Variants in IL12RB2 observed in about 807,000 individuals in gnomAD.
IL12RB2 encodes interleukin 12 receptor subunit beta 2, also known as interleukin-12 receptor subunit beta-2.
A neutral mutation model predicts 89.4 loss-of-function variants in IL12RB2; 82 were observed. That is an observed-to-expected ratio of 0.92 (90% CI 0.77 to 1.10). IL12RB2 has a LOEUF of 1.10. IL12RB2 is among the 50% of genes least tolerant of loss of function. The pLI, the probability that IL12RB2 is intolerant of heterozygous loss-of-function variation, is 0.00. For synonymous variants in IL12RB2, 368 were observed against 370.1 expected, an observed-to-expected ratio of 0.99 and a Z score of 0.07; for missense variants, 963 against 1,031.9, an observed-to-expected ratio of 0.93 and a Z score of 0.92.
At chr1:67,355,422 G>GAAAAA (rs1171395256) in intron 10 of IL12RB2, among the ~76,000 whole-genome samples, 27 of 93,700 alleles carry the variant, frequency 2.9e-4, no homozygotes, top group Admixed American at 5.1e-4. Context: ...GTCTCAAAAA[G>GAAAAA]AAAAAAAAAA....
chr1:67,368,506 A>C (rs1173976694), intron 11 of IL12RB2, among the ~76,000 whole-genome samples: 1 of 152,222 alleles, frequency 6.6e-6, no homozygotes, highest in African/African-American at 2.4e-5. Flanking sequence ...GTTACTTATT[A>C]ATTGTGTAAT....
chr1:67,359,071 G>A (rs1661704528), intron 10 of IL12RB2, among the ~76,000 whole-genome samples: 1 of 151,758 alleles, frequency 6.6e-6, no homozygotes, highest in South Asian at 2.1e-4. Context: ...AGCCCAGGAG[G>A]CAGAGATTGC....
chr1:67,369,471 G>A (rs1185971019), intron 11 of IL12RB2, among the ~76,000 whole-genome samples: 3 of 152,166 alleles, frequency 2.0e-5, no homozygotes, highest in Non-Finnish European at 2.9e-5. Flanking sequence ...TGGGACAATC[G>A]ATTACCTCTC....
At chr1:67,317,634 C>T (rs892034787) in intron 2 of IL12RB2, among the ~76,000 whole-genome samples, 2 of 152,162 alleles carry the variant, frequency 1.3e-5, no homozygotes, top group Admixed American at 6.5e-5. Context: ...TGTAGGGTAA[C>T]CTGTTCACAG....
At chr1:67,337,960 A>C (rs2100738576) in intron 8 of IL12RB2, among the ~76,000 whole-genome samples, 1 of 149,126 alleles carries the variant, frequency 6.7e-6, no homozygotes, top group East Asian at 2.0e-4. Context: ...CTTTATTTTT[A>C]TTTTTTTGCT....
chr1:67,353,061 T>C (rs1183532840), intron 10 of IL12RB2, among the ~76,000 whole-genome samples: 1 of 152,214 alleles, frequency 6.6e-6, no homozygotes, highest in Admixed American at 6.5e-5. Flanking sequence ...AAGATGTTTG[T>C]TGAAAAATTG....
intron 16 of IL12RB2, among the ~76,000 whole-genome samples, chr1:67,392,728 T>C (rs1266358973): frequency 6.7e-6 from 1 of 148,196 alleles, no homozygotes; most frequent in East Asian, 2.0e-4. Context: ...CCTCCTGGGT[T>C]CACACCATTC....
chr1:67,327,545 C>A (rs1335445658), intron 5 of IL12RB2, among the ~76,000 whole-genome samples: 1 of 152,076 alleles, frequency 6.6e-6, no homozygotes, highest in Admixed American at 6.6e-5. Flanking sequence ...ATAAACTCTT[C>A]CTTGTGGTAG....
intron 10 of IL12RB2, among the ~76,000 whole-genome samples, chr1:67,354,491 T>C (rs140006415): frequency 1.6e-4 from 24 of 152,188 alleles, no homozygotes; most frequent in African/African-American, 5.8e-4. Flanking sequence ...ATGCTAAGAA[T>C]GAGGTTGATG....
intron 14 of IL12RB2, among the ~76,000 whole-genome samples, chr1:67,380,559 T>C (rs931745573): frequency 3.3e-5 from 5 of 152,232 alleles, no homozygotes; most frequent in Admixed American, 2.0e-4. Flanking sequence ...CTATTGCATA[T>C]GCAACAGTCA....
At chr1:67,352,159 G>A (rs1040881464) in intron 10 of IL12RB2, among the ~76,000 whole-genome samples, 1 of 152,176 alleles carries the variant, frequency 6.6e-6, no homozygotes, top group East Asian at 1.9e-4. Context: ...AAGTATTAAT[G>A]TATATATACA....
At chr1:67,368,517 A>G (rs1220741215) in intron 11 of IL12RB2, among the ~76,000 whole-genome samples, 1 of 152,258 alleles carries the variant, frequency 6.6e-6, no homozygotes, top group African/African-American at 2.4e-5. Flanking sequence ...ATTGTGTAAT[A>G]CTAAATCCAG....
At chr1:67,376,760 A>G (rs1025504398) in intron 13 of IL12RB2, among the ~76,000 whole-genome samples, 1 of 151,980 alleles carries the variant, frequency 6.6e-6, no homozygotes, top group African/African-American at 2.4e-5. Context: ...AACCCACACA[A>G]ATCCCTTCCC....
At position 67,368,013 on chromosome 1, in the gene IL12RB2, G is replaced by T; in HGVS notation, c.1447G>T (p.Ala483Ser). ...WLRSRPYNVS[A>S]LISENIKSYI... ...ACGGAGTCGACCCTACAATGTGTCTGCTCTGATTTCAGGTACCTAATTGTT... is the reference window on the plus strand; with the variant it reads ...ACGGAGTCGACCCTACAATGTGTCTTCTCTGATTTCAGGTACCTAATTGTT... Residue 483 changes from alanine to serine, a missense_variant, in exon 11 of 17, where the codon GCT becomes TCT. By Grantham distance (99) the Ala-to-Ser change is moderately conservative. Coordinates refer to ENST00000674203, the MANE Select transcript of IL12RB2 (RefSeq NM_001374259.2). 1 of 1,595,104 alleles carries T rather than the reference G, an allele frequency of 6.3e-7. No homozygotes were observed. Among genetic ancestry groups the T allele is most frequent in the South Asian group, 1.1e-5 (1 of 90,688 alleles).
intron 9 of IL12RB2, among the ~76,000 whole-genome samples, chr1:67,348,031 T>TA (rs1660424956): frequency 1.3e-5 from 2 of 152,142 alleles, no homozygotes; most frequent in Non-Finnish European, 2.9e-5. Context: ...TATAGCCCAA[T>TA]AAATGTTGGT....
intron 3 of IL12RB2, among the ~76,000 whole-genome samples, chr1:67,320,777 T>C (rs1042421083): frequency 1.3e-5 from 2 of 152,164 alleles, no homozygotes; most frequent in Admixed American, 1.3e-4. Context: ...CTGGGATACA[T>C]GTGCAGAATG....
chr1:67,390,084 G>C lies in IL12RB2; in HGVS notation c.2002G>C (p.Asp668His). The C allele has an allele frequency of 7.1e-7, 1 of 1,401,154 alleles. No homozygotes were observed. The highest frequency in any genetic ancestry group is 1.0e-6 in the Non-Finnish European group (1 of 985,452). The allele number at this position is 1,401,154 out of a possible 1,614,324, so 86.8% of individuals were successfully genotyped here. ...RPQWCSREIP[D>H]PANSTCAKKY... ...TCAGTGGTGTAGCAGAGAAATTCCA[G>C]ATCCAGCAAATAGCACTTGCGCTAA... is the stretch of plus-strand genomic sequence containing the variant. Residue 668 changes from aspartate to histidine, a missense_variant, in exon 16 of 17, where the codon GAT becomes CAT. Coordinates refer to ENST00000674203, the MANE Select transcript of IL12RB2 (RefSeq NM_001374259.2).
chr1:67,358,484 G>A (rs551541733), intron 10 of IL12RB2, among the ~76,000 whole-genome samples: 23 of 152,242 alleles, frequency 1.5e-4, no homozygotes, highest in East Asian at 7.7e-4. Flanking sequence ...GCTGAGGCAG[G>A]AGAATCGCTT....
chr1:67,342,234 G>GT (rs1659716372), intron 9 of IL12RB2, among the ~76,000 whole-genome samples: 3 of 150,480 alleles, frequency 2.0e-5, no homozygotes, highest in African/African-American at 7.3e-5. Flanking sequence ...TTTTGTTTTT[G>GT]TTTTTTTCCT....
Sources: gnomAD v4.1 joint callset for allele counts (sites outside exome capture counted in the v4.1 genomes callset) on GRCh38, gnomAD v4.1.1 for gene constraint, MANE v1.5 for transcripts, NCBI Gene and HGNC (gene_info 2026-07-23, HGNC 2026-07-21) for gene names.